NSL1: variants seen among roughly 807,000 people sequenced by gnomAD.
The protein encoded by NSL1 is kinetochore-associated protein NSL1 homolog.
In NSL1, 11 loss-of-function variants were observed where a neutral mutation model predicts 25.4. That is an observed-to-expected ratio of 0.43 (90% CI 0.27 to 0.72). The LOEUF (loss-of-function observed/expected upper bound fraction) is 0.72, where lower values mean the gene tolerates loss of function less well. NSL1 is among the 30% of genes least tolerant of loss of function. The pLI is 0.19. For synonymous variants in NSL1, 118 were observed against 120.6 expected, an observed-to-expected ratio of 0.98 and a Z score of 0.14; for missense variants, 330 against 342.7, an observed-to-expected ratio of 0.96 and a Z score of 0.29.
chr1:212,729,707 A>T lies in NSL1; in HGVS notation c.*8701T>A. On this transcript the variant is annotated 3_prime_UTR_variant, in exon 6 of 6. Transcript: ENST00000366977. ...GTCAGAGAAGGAAATGAAGCAAGAT[A>T]CCAAGGTCAAATCCTCCTCTCTTTT... The T allele has an allele frequency of 1.0e-6, 1 of 985,438 alleles. No homozygotes were observed. The highest frequency in any genetic ancestry group is 1.2e-6 in the Non-Finnish European group (1 of 829,932). 61.0% of individuals were successfully genotyped at this position (985,438 alleles called of 1,614,324 possible). A position where few individuals can be genotyped will look rare whatever the true frequency, so the allele number is the denominator to read the frequency against.
At chr1:212,765,042 T>C (rs552945167) in intron 4 of NSL1, among the ~76,000 whole-genome samples, 6 of 151,508 alleles carry the variant, frequency 4.0e-5, no homozygotes, top group East Asian at 1.9e-4. Flanking sequence ...CAGGAAGAAA[T>C]AGAAACCCTG....
chr1:212,789,892 T>C (rs559428011), intron 1 of NSL1, among the ~76,000 whole-genome samples: 1 of 152,324 alleles, frequency 6.6e-6, no homozygotes, highest in African/African-American at 2.4e-5. Context: ...AAAAAACTAC[T>C]AAAAACGTCC....
intron 4 of NSL1, among the ~76,000 whole-genome samples, chr1:212,746,370 T>C (rs1013138952): frequency 6.6e-6 from 1 of 152,066 alleles, no homozygotes; most frequent in Non-Finnish European, 1.5e-5. Context: ...CAGATGCAAA[T>C]TGTAATCCCC....
intron 4 of NSL1, among the ~76,000 whole-genome samples, chr1:212,765,625 A>C (rs1659767625): frequency 6.6e-6 from 1 of 151,956 alleles, no homozygotes; most frequent in Admixed American, 6.6e-5. Context: ...ATTTGAGACC[A>C]GCCTGGTCAA....
intron 4 of NSL1, among the ~76,000 whole-genome samples, chr1:212,758,922 G>A (rs1659432662): frequency 6.6e-6 from 1 of 152,156 alleles, no homozygotes; most frequent in African/African-American, 2.4e-5. Flanking sequence ...GTGTAGTAGT[G>A]GCCTAAGGAC....
chr1:212,768,319 CAAAAAAAAAAAAAAA>C (rs34528216), intron 4 of NSL1, among the ~76,000 whole-genome samples: 18 of 68,910 alleles, frequency 2.6e-4, no homozygotes, highest in African/African-American at 1.2e-3. Flanking sequence ...GACTCCGTCT[CAAAAAAAAAAAAAAA>C]AAAAAAAAAA....
In NSL1 at chr1:212,727,905, A is replaced by T; in HGVS notation, c.*10503T>A. The T allele has an allele frequency of 2.0e-6, 2 of 985,460 alleles. No homozygotes were observed. Among genetic ancestry groups the T allele is most frequent in the South Asian group, 9.4e-5 (2 of 21,288 alleles). 61.0% of individuals were successfully genotyped at this position (985,460 alleles called of 1,614,324 possible). On this transcript the variant is annotated 3_prime_UTR_variant, in exon 6 of 6. Transcript: ENST00000366977. The stretch of plus-strand genomic sequence containing the variant: ...TGTTGCTATGTGTCATTGAAAAAAA[A>T]TGAGAAGAACCAACGAGGTCGCTGT...
intron 4 of NSL1, among the ~76,000 whole-genome samples, chr1:212,761,571 C>T (rs1428471152): frequency 6.6e-6 from 1 of 151,974 alleles, no homozygotes; most frequent in African/African-American, 2.4e-5. Flanking sequence ...CTCAGGAAGG[C>T]TGCAGTGAGC....
chr1:212,739,653 A>G (rs775459095), intron 4 of NSL1, 52 bp from the exon 5 acceptor site: 4 of 1,555,478 alleles, frequency 2.6e-6, no homozygotes, highest in East Asian at 4.5e-5. Context: ...ATAGCAAATC[A>G]TAAAAGGCAT....
At chr1:212,742,817 T>C (rs552096751) in intron 4 of NSL1, among the ~76,000 whole-genome samples, 87 of 152,324 alleles carry the variant, frequency 5.7e-4, no homozygotes, top group Middle Eastern at 3.4e-3. Flanking sequence ...TTCTTATCAT[T>C]GTGGTACAAA....
chr1:212,745,793 T>A (rs544795095), intron 4 of NSL1, among the ~76,000 whole-genome samples: 23 of 149,266 alleles, frequency 1.5e-4, no homozygotes, highest in Non-Finnish European at 3.4e-4. Context: ...CGAAACCCCA[T>A]GCCTACCAAA....
In NSL1 at chr1:212,729,385, C is replaced by G. The variant is rs530971092; in HGVS notation, c.*9023G>C. ...TTTACAGGTGTACATCCACACAGCT[C>G]TTAGCACAGTATTTAGATTCATCGA... On this transcript the variant is annotated 3_prime_UTR_variant, in exon 6 of 6. Transcript: ENST00000366977. The G allele has an allele frequency of 4.2e-5, 41 of 983,228 alleles. 1 individual carries two copies. The South Asian group carries it at 1.6e-3, about 37-fold the overall frequency. 60.9% of individuals were successfully genotyped at this position (983,228 alleles called of 1,614,324 possible). A position where few individuals can be genotyped will look rare whatever the true frequency, so the allele number is the denominator to read the frequency against.
At chr1:212,739,756 T>C (rs151077765) in intron 4 of NSL1, among the ~76,000 whole-genome samples, 155 bp from the exon 5 acceptor site, 6 of 152,296 alleles carry the variant, frequency 3.9e-5, no homozygotes, top group Non-Finnish European at 8.8e-5. Context: ...AGTGAGACCA[T>C]TATAATAATA....
intron 4 of NSL1, among the ~76,000 whole-genome samples, chr1:212,755,771 CTA>C (rs1659279494): frequency 6.6e-6 from 1 of 150,922 alleles, no homozygotes; most frequent in African/African-American, 2.5e-5. Context: ...TCATATATAT[CTA>C]TATGTAATTA....
intron 4 of NSL1, among the ~76,000 whole-genome samples, chr1:212,756,957 A>C (rs903895039): frequency 2.0e-5 from 3 of 152,246 alleles, no homozygotes; most frequent in Non-Finnish European, 4.4e-5. Flanking sequence ...GCAGAGAAAA[A>C]TAAAGCAGGT....
At chr1:212,786,582 C>A (rs1280291439) in intron 2 of NSL1, among the ~76,000 whole-genome samples, 1 of 152,100 alleles carries the variant, frequency 6.6e-6, no homozygotes, top group East Asian at 1.9e-4. Flanking sequence ...CCAAGGCAGG[C>A]AGATCACCTG....
At chr1:212,781,247 T>TTG (rs879913912) in intron 4 of NSL1, among the ~76,000 whole-genome samples, 1 of 152,224 alleles carries the variant, frequency 6.6e-6, no homozygotes, top group Admixed American at 6.5e-5. Context: ...AAAGGGTCAT[T>TTG]AACTAAGTGT....
chr1:212,759,424 G>C (rs1365941428), intron 4 of NSL1, among the ~76,000 whole-genome samples: 1 of 152,120 alleles, frequency 6.6e-6, no homozygotes, highest in East Asian at 1.9e-4. Context: ...TGGGAAGAAA[G>C]GGAAGCAGGG....
rs150393076 is a variant in NSL1, at chr1:212,741,440, T to C, written c.500-1839A>G. On this transcript the variant is annotated intron_variant, in intron 4 of 5. Transcript: ENST00000366977. ...AGAGGTGGGGCCTGGTGGGAGGTGA[T>C]TGGATCACGGGGCGATTTCCCCCTT... 6.0e-4 allele frequency among the ~76,000 whole-genome samples: 92 copies of C among 152,304 alleles called. 1 individual carries two copies. Among genetic ancestry groups the C allele is most frequent in the Admixed American group, 2.1e-3 (32 of 15,302 alleles).
Sources: gnomAD v4.1 joint callset for allele counts (sites outside exome capture counted in the v4.1 genomes callset) on GRCh38, gnomAD v4.1.1 for gene constraint, MANE v1.5 for transcripts, NCBI Gene and HGNC (gene_info 2026-07-23, HGNC 2026-07-21) for gene names.